Variants in MBOAT1 observed in about 807,000 individuals in gnomAD.
MBOAT1 encodes the protein membrane bound glycerophospholipid O-acyltransferase 1.
MBOAT1 carries 67 observed loss-of-function variants against 64.4 expected under a neutral mutation model. The ratio of observed to expected loss-of-function variants is 1.04; its 90% CI spans 0.85 to 1.27. MBOAT1 has a LOEUF of 1.27. MBOAT1 is among the 50% of genes most tolerant of loss of function. The probability of loss-of-function intolerance (pLI) is 0.00; values close to 1 mark genes in which losing one functional copy is unlikely to be tolerated. For synonymous variants in MBOAT1, 229 were observed against 218.9 expected (o/e 1.05, Z -0.41); for missense variants, 563 against 604.6 (o/e 0.93, Z 0.72).
intron 1 of MBOAT1, among the ~76,000 whole-genome samples, 165 bp from the exon 2 acceptor site, chr6:20,152,934 G>A (rs1255407132): frequency 6.6e-6 from 1 of 152,170 alleles, no homozygotes; most frequent in Non-Finnish European, 1.5e-5. Flanking sequence ...CCAGGTTCAC[G>A]TCATTCTCCT....
At chr6:20,144,359 T>C in intron 3 of MBOAT1, 44 bp from the exon 4 acceptor site, 2 of 1,199,182 alleles carry the variant, frequency 1.7e-6, no homozygotes, top group Non-Finnish European at 2.5e-6. Context: ...TGCATAGCAA[T>C]AATGCACTCA....
intron 1 of MBOAT1, among the ~76,000 whole-genome samples, chr6:20,181,685 G>A (rs185436434): frequency 2.0e-4 from 30 of 152,318 alleles, no homozygotes; most frequent in East Asian, 1.9e-4. Flanking sequence ...CGGTGCCCAC[G>A]CGTGTGAAAC....
chr6:20,108,364 G>A (rs985528252), intron 12 of MBOAT1, among the ~76,000 whole-genome samples: 4 of 152,090 alleles, frequency 2.6e-5, no homozygotes, highest in Non-Finnish European at 5.9e-5. Flanking sequence ...CCTTTGCATA[G>A]AAAAATTTGG....
chr6:20,192,511 C>A (rs1250904084), intron 1 of MBOAT1, among the ~76,000 whole-genome samples: 1 of 152,186 alleles, frequency 6.6e-6, no homozygotes, highest in Non-Finnish European at 1.5e-5. Flanking sequence ...TGGAGTCTGA[C>A]AATTGTCCAA....
chr6:20,129,087 C>G (rs1275506802), intron 5 of MBOAT1, among the ~76,000 whole-genome samples: 3 of 152,240 alleles, frequency 2.0e-5, no homozygotes, highest in Non-Finnish European at 4.4e-5. Flanking sequence ...TATGTCTTCC[C>G]TGATACATCA....
At chr6:20,153,635 A>G (rs988194847) in intron 1 of MBOAT1, among the ~76,000 whole-genome samples, 2 of 152,244 alleles carry the variant, frequency 1.3e-5, no homozygotes, top group African/African-American at 4.8e-5. Flanking sequence ...CCAATAAACA[A>G]GAGCATTTCT....
At chr6:20,102,489 C>G in intron 12 of MBOAT1, 77 bp from the exon 13 acceptor site, 1 of 1,270,892 alleles carries the variant, frequency 7.9e-7, no homozygotes, top group South Asian at 1.4e-5. Flanking sequence ...ATATCACCTA[C>G]AGTATGACAA....
intron 11 of MBOAT1, among the ~76,000 whole-genome samples, chr6:20,111,036 T>C (rs1354847562): frequency 6.6e-6 from 1 of 152,214 alleles, no homozygotes; most frequent in Non-Finnish European, 1.5e-5. Context: ...TCTGGTTGAT[T>C]CTCTCATCAA....
At chr6:20,135,415 C>T (rs561712298) in intron 4 of MBOAT1, among the ~76,000 whole-genome samples, 2 of 152,156 alleles carry the variant, frequency 1.3e-5, no homozygotes, top group Non-Finnish European at 2.9e-5. Context: ...CTAGGCAATT[C>T]ATCAGATGTG....
intron 1 of MBOAT1, among the ~76,000 whole-genome samples, chr6:20,169,775 T>C (rs76526602): frequency 0.14 from 21,031 of 152,180 alleles, 1,547 homozygotes; most frequent in Non-Finnish European, 0.16. Flanking sequence ...TCCTCCCATC[T>C]CTTGATAATT....
chr6:20,149,321 G>A (rs1033840591), intron 3 of MBOAT1, among the ~76,000 whole-genome samples: 7 of 152,124 alleles, frequency 4.6e-5, no homozygotes, highest in Middle Eastern at 3.4e-3. Context: ...ACAAGTGTGC[G>A]TGTCAAGTTC....
intron 1 of MBOAT1, among the ~76,000 whole-genome samples, chr6:20,168,656 GGAAAGAGA>G (rs1301768835): frequency 2.2e-5 from 3 of 133,564 alleles, no homozygotes; most frequent in Non-Finnish European, 4.9e-5. Flanking sequence ...GAGAGGAGAG[GGAAAGAGA>G]GAAAGAGAGA....
chr6:20,143,916 A>T (rs35426539), intron 4 of MBOAT1, among the ~76,000 whole-genome samples: 4 of 152,058 alleles, frequency 2.6e-5, no homozygotes, highest in Admixed American at 6.5e-5. Context: ...GTAGTGCAAA[A>T]GCACTCATAG....
Position 20,198,298 on chromosome 6 carries a change from G to A in MBOAT1, c.99+13838C>T, listed in dbSNP as rs927822996. On this transcript the variant is annotated intron_variant, in intron 1 of 12. Coordinates refer to ENST00000324607, the MANE Select transcript of MBOAT1 (RefSeq NM_001080480.3). Reference sequence around the variant, plus strand: ...CCTAAGAACGTGTTCCATCTAATACGAAGCAAATGGCAATCTTCTAAAATC... The same window carrying A: ...CCTAAGAACGTGTTCCATCTAATACAAAGCAAATGGCAATCTTCTAAAATC... 4.6e-5 allele frequency among the ~76,000 whole-genome samples: 7 copies of A among 151,862 alleles called. 1 individual carries two copies. Among genetic ancestry groups the A allele is most frequent in the South Asian group, 4.1e-4 (2 of 4,828 alleles).
Position 20,170,715 on chromosome 6 carries a change from T to C in MBOAT1, c.100-17946A>G, listed in dbSNP as rs139650711. Among the ~76,000 whole-genome samples the C allele has an allele frequency of 5.5e-3, 838 of 152,312 alleles. 1 individual carries two copies. The highest frequency in any genetic ancestry group is 7.6e-3 in the Non-Finnish European group (518 of 68,020). On this transcript the variant is annotated intron_variant, in intron 1 of 12. Transcript: ENST00000324607. ...CCCTCCCTTCTGCCCAAGTGCAAGA[T>C]AGGTGATCTGCTGCAGTGCTGTGGG...
intron 12 of MBOAT1, 71 bp downstream of exon 12, chr6:20,109,527 T>C: frequency 6.5e-7 from 1 of 1,541,048 alleles, no homozygotes; most frequent in Non-Finnish European, 8.8e-7. Context: ...TTCAATTTAC[T>C]GCCTCCTAAG....
chr6:20,133,657 A>G (rs1158910979), intron 4 of MBOAT1, among the ~76,000 whole-genome samples: 1 of 152,210 alleles, frequency 6.6e-6, no homozygotes, highest in African/African-American at 2.4e-5. Flanking sequence ...GTAAGTTCCT[A>G]TGTTCAATTG....
At position 20,201,037 on chromosome 6, in the gene MBOAT1, C is replaced by T. The variant is rs546932655; in HGVS notation, c.99+11099G>A. On this transcript the variant is annotated intron_variant, in intron 1 of 12. Transcript: ENST00000324607. ...AGTCATCTCAAAAGCAGTTTAGACA[C>T]AAGAGGTGATGAGGATCTCTAGAGC... Among the ~76,000 whole-genome samples the T allele has an allele frequency of 2.6e-5, 4 of 152,322 alleles. 1 individual carries two copies. Among genetic ancestry groups the T allele is most frequent in the Middle Eastern group, 6.8e-3 (2 of 294 alleles).
At chr6:20,118,623 T>C in intron 8 of MBOAT1, 83 bp from the exon 9 acceptor site, 2 of 1,102,692 alleles carry the variant, frequency 1.8e-6, no homozygotes, top group Non-Finnish European at 2.7e-6. Context: ...TCTGTCTAGC[T>C]TCAAGATGGA....
Sources: allele counts gnomAD v4.1 joint callset (sites outside exome capture counted in the v4.1 genomes callset), GRCh38; gene constraint gnomAD v4.1.1; transcripts MANE v1.5; gene names NCBI Gene and HGNC (gene_info 2026-07-23, HGNC 2026-07-21).